The following GUF1 variants were observed in gnomAD, a reference collection of about 807,000 sequenced individuals.
GUF1 encodes GTP binding elongation factor GUF1.
Under a neutral mutation model 82.4 loss-of-function variants are expected in GUF1, and 78 were observed. The observed-to-expected ratio is 0.95, with a 90% CI of 0.79 to 1.14. GUF1 has a LOEUF of 1.14. Among genes scored for constraint, GUF1 ranks in the 50% most tolerant of loss-of-function variants. The pLI is 0.00. For synonymous variants in GUF1, 279 were observed against 282.3 expected (o/e 0.99, Z 0.12); for missense variants, 814 against 798.2 (o/e 1.02, Z -0.24).
intron 5 of GUF1, among the ~76,000 whole-genome samples, chr4:44,682,967 T>A (rs1238134421): frequency 1.3e-5 from 2 of 152,030 alleles, no homozygotes; most frequent in Non-Finnish European, 2.9e-5. Context: ...GCTGCTTAAT[T>A]GATAAATTAC....
intron 16 of GUF1, among the ~76,000 whole-genome samples, chr4:44,697,936 G>A (rs1290051493): frequency 6.6e-6 from 1 of 152,078 alleles, no homozygotes; most frequent in African/African-American, 2.4e-5. Flanking sequence ...CTTGAGGCTA[G>A]GAGTTCCGAG....
chr4:44,691,467 G>C (rs1256457602), intron 12 of GUF1, among the ~76,000 whole-genome samples, 199 bp from the exon 13 acceptor site: 2 of 151,688 alleles, frequency 1.3e-5, no homozygotes, highest in East Asian at 1.9e-4. Context: ...AAATGAAATA[G>C]TGTTCATTTT....
In GUF1 at chr4:44,690,764, C is replaced by T. The variant is rs151009252; in HGVS notation, c.1383C>T (p.Pro461=). Residue 461 remains proline (P), a synonymous_variant, in exon 12 of 17, where the codon CCC becomes CCT. Coordinates refer to ENST00000281543, the MANE Select transcript of GUF1 (RefSeq NM_021927.3). ...EITIINPAQF[P]DKSKVTEYLE... ...CAATTATCAATCCTGCACAATTCCC[C>T]GATAAATCAAAAGTAACAGAATATT... 4.0e-4 allele frequency: 646 copies of T among 1,595,692 alleles called. 3 individuals carry two copies. The African/African-American group carries it at 7.0e-3, about 17-fold the overall frequency.
intron 14 of GUF1, among the ~76,000 whole-genome samples, chr4:44,695,164 T>C (rs763215516): frequency 6.6e-6 from 1 of 152,166 alleles, no homozygotes; most frequent in Non-Finnish European, 1.5e-5. Flanking sequence ...AGCAGATTGG[T>C]TAAAATGAAT....
intron 6 of GUF1, among the ~76,000 whole-genome samples, chr4:44,684,753 T>C (rs1372034564): frequency 2.0e-5 from 3 of 152,176 alleles, no homozygotes; most frequent in African/African-American, 7.2e-5. Flanking sequence ...TTTCATACTT[T>C]AAAATTAATA....
At chr4:44,680,412 C>T (rs1296645670) in intron 1 of GUF1, 29 bp from the exon 2 acceptor site, 2 of 1,057,826 alleles carry the variant, frequency 1.9e-6, no homozygotes, top group Admixed American at 4.2e-5. Flanking sequence ...CAAATTTATA[C>T]TCCTAAATGT....
intron 6 of GUF1, among the ~76,000 whole-genome samples, chr4:44,685,435 T>G (rs185780834): frequency 2.6e-5 from 4 of 152,220 alleles, no homozygotes; most frequent in Admixed American, 2.6e-4. Flanking sequence ...ATTTCAGAGA[T>G]AGTCCATTTA....
chr4:44,700,170 A>C lies in GUF1; in HGVS notation c.*1489A>C, dbSNP rs1454181967. On this transcript the variant is annotated 3_prime_UTR_variant, in exon 17 of 17. Coordinates refer to ENST00000281543, the MANE Select transcript of GUF1 (RefSeq NM_021927.3). The stretch of plus-strand genomic sequence containing the variant: ...GGTTATATGAAAGAAAAATCTCAAA[A>C]CCACTAAGCCAAAGGGAAGTCAAGC... 1 of 152,188 alleles carries C rather than the reference A, an allele frequency of 6.6e-6. No individual in the cohort carries two copies. The highest frequency in any genetic ancestry group is 2.4e-5 in the African/African-American group (1 of 41,444). The allele number at this position is 152,188 out of a possible 1,614,324, so 9.4% of individuals were successfully genotyped here.
chr4:44,698,137 C>CT (rs1404654939), intron 16 of GUF1, among the ~76,000 whole-genome samples: 2 of 152,036 alleles, frequency 1.3e-5, no homozygotes, highest in Admixed American at 1.3e-4. Context: ...GAGGGAAACT[C>CT]TATCTCAAAA....
chr4:44,680,273 G>A (rs776983520), intron 1 of GUF1, among the ~76,000 whole-genome samples, 168 bp from the exon 2 acceptor site: 3 of 152,146 alleles, frequency 2.0e-5, no homozygotes, highest in Middle Eastern at 3.4e-3. Flanking sequence ...GATGTTCCTT[G>A]TAATATGAAC....
intron 13 of GUF1, chr4:44,694,189 C>T (rs1176140616): frequency 2.0e-5 from 9 of 445,846 alleles, no homozygotes; most frequent in Non-Finnish European, 1.6e-5. Flanking sequence ...TTTCCTTTCC[C>T]CTATAAACAT....
At chr4:44,683,108 T>C in intron 5 of GUF1, 127 bp from the exon 6 acceptor site, 1 of 530,930 alleles carries the variant, frequency 1.9e-6, no homozygotes, top group Middle Eastern at 4.9e-4. Flanking sequence ...TTACTGCTTT[T>C]GAAAAAATAT....
chr4:44,680,169 G>A (rs779672869), intron 1 of GUF1, among the ~76,000 whole-genome samples: 3 of 152,040 alleles, frequency 2.0e-5, no homozygotes, highest in Admixed American at 6.5e-5. Context: ...CTCCATTCAC[G>A]ATAATAAATT....
chr4:44,698,378 C>A (rs1715980413), intron 16 of GUF1, among the ~76,000 whole-genome samples, 166 bp from the exon 17 acceptor site: 5 of 151,940 alleles, frequency 3.3e-5, no homozygotes, highest in Admixed American at 3.3e-4. Context: ...CTGTATCATT[C>A]TTTGAGAAGA....
rs776847471 is a variant in GUF1 at position 44,678,630 on chromosome 4, C to T, written c.8C>T (p.Thr3Ile). The change falls in exon 1 of 17, where the codon ACC (threonine) becomes ATC (isoleucine). Residue 3 changes from threonine (T) to isoleucine (I), a missense_variant. Transcript: ENST00000281543. The stretch of plus-strand genomic sequence containing the variant: ...GCCTCCGCCGCCCGGGTCATGTGGA[C>T]CCTCGTGGGTCGGGGCTGGGGGTGC... MW[T>I]LVGRGWGCAR... 1.4e-6 allele frequency: 2 copies of T among 1,461,198 alleles called. No individual in the cohort carries two copies. Among genetic ancestry groups the T allele is most frequent in the Non-Finnish European group, 1.8e-6 (2 of 1,118,134 alleles). The allele number at this position is 1,461,198 out of a possible 1,614,324, so 90.5% of individuals were successfully genotyped here.
chr4:44,682,111 C>G (rs1714803834), intron 4 of GUF1: 2 of 328,184 alleles, frequency 6.1e-6, no homozygotes, highest in Admixed American at 4.9e-5. Context: ...GCTCACTCTA[C>G]TTGATGTGAT....
At chr4:44,681,031 G>T (rs1714743769) in intron 3 of GUF1, 92 bp from the exon 4 acceptor site, 1 of 1,224,142 alleles carries the variant, frequency 8.2e-7, no homozygotes, top group African/African-American at 1.5e-5. Context: ...ATATTTAACA[G>T]CTTTTATCAA....
At chr4:44,698,507 G>A (rs747242893) in intron 16 of GUF1, 37 bp from the exon 17 acceptor site, 1 of 1,520,092 alleles carries the variant, frequency 6.6e-7, no homozygotes, top group Admixed American at 2.1e-5. Flanking sequence ...TCTCTTTAGA[G>A]TGACTTAGAC....
At position 44,678,682 on chromosome 4, in the gene GUF1, TGGGGCCGCGCTTCTGGTGGCCCC is replaced by T; in HGVS notation, c.67_89del (p.Ala23ProfsTer29). 2 of 1,501,520 alleles carry T rather than the reference TGGGGCCGCGCTTCTGGTGGCCCC, an allele frequency of 1.3e-6. No individual in the cohort carries two copies. The highest frequency in any genetic ancestry group is 1.8e-6 in the Non-Finnish European group (2 of 1,139,270). 93.0% of individuals were successfully genotyped at this position (1,501,520 alleles called of 1,614,324 possible). A position where few individuals can be genotyped will look rare whatever the true frequency, so the allele number is the denominator to read the frequency against. On this transcript the variant is annotated frameshift_variant, in exon 1 of 17. Transcript: ENST00000281543. LOFTEE classifies it high-confidence loss of function. ...CACGCGCTCTCGCGCCACGAGCCACTGGGGCCGCGCTTCTGGTGGCCCCGGGGCCCCGGTCCGCGCCGACCCTT... is the reference window on the plus strand; with the variant it reads ...CACGCGCTCTCGCGCCACGAGCCACTGGGGCCCCGGTCCGCGCCGACCCTT...
Sources: allele counts gnomAD v4.1 joint callset (sites outside exome capture counted in the v4.1 genomes callset), GRCh38; gene constraint gnomAD v4.1.1; transcripts MANE v1.5; gene names NCBI Gene and HGNC (gene_info 2026-07-23, HGNC 2026-07-21).